The following STAT4 variants were observed in gnomAD, a reference collection of about 807,000 sequenced individuals.
STAT4 encodes the protein signal transducer and activator of transcription 4.
In STAT4, 42 loss-of-function variants were observed where a neutral mutation model predicts 110.5. The ratio of observed to expected loss-of-function variants is 0.38; its 90% confidence interval spans 0.30 to 0.49. The LOEUF (loss-of-function observed/expected upper bound fraction) is 0.49. Ranked by LOEUF, STAT4 falls within the 20% of genes least tolerant of loss-of-function variation. The probability of loss-of-function intolerance (pLI) is 0.95; values close to 1 mark genes in which losing one functional copy is unlikely to be tolerated. For synonymous variants in STAT4, 284 were observed against 302.2 expected, an observed-to-expected ratio of 0.94 and a Z score of 0.63; for missense variants, 632 against 887.9, an observed-to-expected ratio of 0.71 and a Z score of 3.66.
rs553428638 is a variant in STAT4 at position 191,119,022 on chromosome 2, T to A, written c.273+27591A>T. Reference sequence around the variant, plus strand: ...CTCAAGTAATCCTCCTATCTTGGCCTCCCAAAGTGCTGGGATGACAGGTTT... The same window carrying A: ...CTCAAGTAATCCTCCTATCTTGGCCACCCAAAGTGCTGGGATGACAGGTTT... On this transcript the variant is annotated intron_variant, in intron 3 of 23. Transcript: ENST00000392320. 1.4e-4 allele frequency among the ~76,000 whole-genome samples: 22 copies of A among 152,274 alleles called. No individual in the cohort carries two copies. The South Asian group carries it at 4.1e-3, about 29-fold the overall frequency.
chr2:191,147,939 T>G lies in STAT4; in HGVS notation c.128+137A>C. ...AATTATTCCCCTTCTTTGGGAAGGC[T>G]TTCAAATCCTTGAGAAAGTTCTTTA... On this transcript the variant is annotated intron_variant, in intron 2 of 23. Transcript: ENST00000392320. The surrounding 1 kb of genome is among the most constrained non-coding windows in gnomAD (Gnocchi z 4.1). The G allele has an allele frequency of 8.1e-7, 1 of 1,228,974 alleles. No homozygotes were observed. Among genetic ancestry groups the G allele is most frequent in the Non-Finnish European group, 1.1e-6 (1 of 898,596 alleles). 76.1% of individuals were successfully genotyped at this position (1,228,974 alleles called of 1,614,324 possible).
At chr2:191,109,281 TTG>T (rs1698362698) in intron 3 of STAT4, among the ~76,000 whole-genome samples, 2 of 152,070 alleles carry the variant, frequency 1.3e-5, no homozygotes, top group African/African-American at 4.8e-5. Context: ...GACAGGTTTT[TTG>T]TTTTTTTGTT....
At chr2:191,102,044 T>C (rs1186962191) in intron 3 of STAT4, among the ~76,000 whole-genome samples, 1 of 151,932 alleles carries the variant, frequency 6.6e-6, no homozygotes, top group African/African-American at 2.4e-5. Context: ...AATACCTCAT[T>C]TTAGGTGGTT....
At chr2:191,111,712 A>G (rs938291503) in intron 3 of STAT4, among the ~76,000 whole-genome samples, 4 of 152,172 alleles carry the variant, frequency 2.6e-5, no homozygotes, top group African/African-American at 4.8e-5. Context: ...TAAATAAAAA[A>G]TTAACCAGGA....
chr2:191,047,117 T>G (rs948173363), intron 14 of STAT4, among the ~76,000 whole-genome samples: 2 of 152,066 alleles, frequency 1.3e-5, no homozygotes, highest in Non-Finnish European at 2.9e-5. Context: ...AAAGAACAGA[T>G]TTTGGGAAGC....
At chr2:191,076,051 G>A (rs544859904) in intron 4 of STAT4, 176 bp downstream of exon 4, 3 of 520,882 alleles carry the variant, frequency 5.8e-6, no homozygotes, top group Admixed American at 6.5e-5. Context: ...ACAGGGTCTT[G>A]CTGCATTGGC....
rs1319355260 is a variant in STAT4, at chr2:191,031,607, T to C, written c.2045-91A>G. 4.9e-6 allele frequency: 5 copies of C among 1,028,858 alleles called. No homozygotes were observed. In the Admixed American group the frequency reaches 8.8e-5, roughly 18 times the overall value. 63.7% of individuals were successfully genotyped at this position (1,028,858 alleles called of 1,614,324 possible). A position where few individuals can be genotyped will look rare whatever the true frequency, so the allele number is the denominator to read the frequency against. On this transcript the variant is annotated intron_variant, in intron 21 of 23. Transcript: ENST00000392320. This position sits in a 1 kb window ranked among gnomAD's most constrained non-coding sequence, Gnocchi z 4.8. Reference sequence around the variant, plus strand: ...AAAGAGTCTAGAAAAATATTAACAATGATAAGAGGAAGAGAGATAACGCAG... The same window carrying C: ...AAAGAGTCTAGAAAAATATTAACAACGATAAGAGGAAGAGAGATAACGCAG...
chr2:191,033,302 T>C lies in STAT4; in HGVS notation c.1853-153A>G, dbSNP rs1695952109. Among the ~76,000 whole-genome samples the C allele has an allele frequency of 3.3e-5, 5 of 152,302 alleles. No individual in the cohort carries two copies. In the South Asian group the frequency reaches 8.3e-4, roughly 25 times the overall value. ...CCTTCTGCTGTCTGGACAGTATAGATTGTGCATACGATAGACTTTTTGGAA... is the reference window on the plus strand; with the variant it reads ...CCTTCTGCTGTCTGGACAGTATAGACTGTGCATACGATAGACTTTTTGGAA... On this transcript the variant is annotated intron_variant, in intron 20 of 23. Transcript: ENST00000392320. This position sits in a 1 kb window ranked among gnomAD's most constrained non-coding sequence, Gnocchi z 6.9.
Position 191,066,371 on chromosome 2 carries a change from C to CT in STAT4, c.630+58dup. 7.0e-7 allele frequency: 1 copy of CT among 1,437,788 alleles called. No individual in the cohort carries two copies. Among genetic ancestry groups the CT allele is most frequent in the South Asian group, 1.2e-5 (1 of 85,540 alleles). 89.1% of individuals were successfully genotyped at this position (1,437,788 alleles called of 1,614,324 possible). On this transcript the variant is annotated intron_variant, in intron 7 of 23. Transcript: ENST00000392320. This position sits in a 1 kb window ranked among gnomAD's most constrained non-coding sequence, Gnocchi z 4.3. ...GACAGCTTGATTATTTTCAGTTAGT[C>CT]TAAGTTTAGAAAAAAGGAGAAAAAT...
chr2:191,051,391 C>A lies in STAT4; in HGVS notation c.1251+3099G>T, dbSNP rs555469555. On this transcript the variant is annotated intron_variant, in intron 14 of 23. Coordinates refer to ENST00000392320, the MANE Select transcript of STAT4 (RefSeq NM_003151.4). This position sits in a 1 kb window ranked among gnomAD's most constrained non-coding sequence, Gnocchi z 5.6. ...CTGACTCACACACAGCTCATTCAGT[C>A]CTCACAACAACCCTTAGAAGTGTAG... Among the ~76,000 whole-genome samples, 3 of 152,334 alleles carry A rather than the reference C, an allele frequency of 2.0e-5. No individual in the cohort carries two copies. In the East Asian group the frequency reaches 5.8e-4, roughly 29 times the overall value.
At position 191,068,966 on chromosome 2, in the gene STAT4, A is replaced by T. The variant is rs545307633; in HGVS notation, c.544+727T>A. On this transcript the variant is annotated intron_variant, in intron 6 of 23. Coordinates refer to ENST00000392320, the MANE Select transcript of STAT4 (RefSeq NM_003151.4). Reference sequence around the variant, plus strand: ...AACCACAGAAAAAATAGTAAAATAAATTGCAGTGACCTTACATTTTGACAT... The same window carrying T: ...AACCACAGAAAAAATAGTAAAATAATTTGCAGTGACCTTACATTTTGACAT... Among the ~76,000 whole-genome samples, 127 of 152,270 alleles carry T rather than the reference A, an allele frequency of 8.3e-4. 2 individuals are homozygous for T. The East Asian group carries it at 0.022, about 27-fold the overall frequency.
rs2125242842 is a variant in STAT4 at position 191,066,968 on chromosome 2, A to G, written c.545-453T>C. ...CTGCTCTGCTTCATATGCAGGTTTT[A>G]TGAGAAACTGCCTGATAGAGTTACA... On this transcript the variant is annotated intron_variant, in intron 6 of 23. Coordinates refer to ENST00000392320, the MANE Select transcript of STAT4 (RefSeq NM_003151.4). This position sits in a 1 kb window ranked among gnomAD's most constrained non-coding sequence, Gnocchi z 4.3. 6.6e-6 allele frequency among the ~76,000 whole-genome samples: 1 copy of G among 151,930 alleles called. No individual in the cohort carries two copies. Among genetic ancestry groups the G allele is most frequent in the South Asian group, 2.1e-4 (1 of 4,802 alleles).
chr2:191,139,161 T>C (rs1223487686), intron 3 of STAT4, among the ~76,000 whole-genome samples: 3 of 151,810 alleles, frequency 2.0e-5, no homozygotes, highest in Non-Finnish European at 4.4e-5. Flanking sequence ...GGGGAAGAGT[T>C]GAAAGCATTC....
chr2:191,111,443 A>G (rs1175510041), intron 3 of STAT4, among the ~76,000 whole-genome samples: 1 of 152,248 alleles, frequency 6.6e-6, no homozygotes, highest in African/African-American at 2.4e-5. Flanking sequence ...AACAAGCTGT[A>G]GTATATCCTT....
At chr2:191,057,515 T>C (rs914915948) in intron 13 of STAT4, among the ~76,000 whole-genome samples, 2 of 152,154 alleles carry the variant, frequency 1.3e-5, no homozygotes, top group African/African-American at 4.8e-5. Context: ...TTCAGTGCTC[T>C]TTCTACCATT....
At chr2:191,071,017 C>A (rs1368256270) in intron 5 of STAT4, among the ~76,000 whole-genome samples, 2 of 152,174 alleles carry the variant, frequency 1.3e-5, no homozygotes, top group African/African-American at 4.8e-5. Flanking sequence ...CTCTTAATGA[C>A]ATTCTCCATA....
chr2:191,150,872 AGC>A lies in STAT4; in HGVS notation c.-2+73_-2+74del. ...TTGTCAAAACGCCAAGGGAAAGCAA[AGC>A]TTCAGAGTATCCTGCATAATAAGCA... On this transcript the variant is annotated intron_variant, in intron 1 of 23. Transcript: ENST00000392320. This position sits in a 1 kb window ranked among gnomAD's most constrained non-coding sequence, Gnocchi z 6.4. The A allele has an allele frequency of 1.0e-6, 1 of 972,950 alleles. No individual in the cohort carries two copies. The highest frequency in any genetic ancestry group is 4.8e-5 in the South Asian group (1 of 21,038). The allele number at this position is 972,950 out of a possible 1,614,324, so 60.3% of individuals were successfully genotyped here.
Position 191,039,364 on chromosome 2 carries a change from C to G in STAT4, c.1336-67G>C. ...CACCTTACATTGATCTTATGCTTGA[C>G]CCTCGCCTCTAAAGGGCCAATCTCA... On this transcript the variant is annotated intron_variant, in intron 15 of 23. Coordinates refer to ENST00000392320, the MANE Select transcript of STAT4 (RefSeq NM_003151.4). This position sits in a 1 kb window ranked among gnomAD's most constrained non-coding sequence, Gnocchi z 4.7. 4 of 1,430,818 alleles carry G rather than the reference C, an allele frequency of 2.8e-6. No individual in the cohort carries two copies. The highest frequency in any genetic ancestry group is 3.9e-6 in the Non-Finnish European group (4 of 1,014,924). 88.6% of individuals were successfully genotyped at this position (1,430,818 alleles called of 1,614,324 possible).
At position 191,150,398 on chromosome 2, in the gene STAT4, C is replaced by T. The variant is rs1266244900; in HGVS notation, c.-2+549G>A. The stretch of plus-strand genomic sequence containing the variant: ...ACTCAGTGCCTGTCTGTCCTTTTTG[C>T]GTGCATTTCCTAGAAGATCCCACTA... On this transcript the variant is annotated intron_variant, in intron 1 of 23. Transcript: ENST00000392320. This position sits in a 1 kb window ranked among gnomAD's most constrained non-coding sequence, Gnocchi z 6.4. Among the ~76,000 whole-genome samples, 1 of 152,146 alleles carries T rather than the reference C, an allele frequency of 6.6e-6. No individual in the cohort carries two copies. Among genetic ancestry groups the T allele is most frequent in the African/African-American group, 2.4e-5 (1 of 41,424 alleles).
Sources: allele counts gnomAD v4.1 joint callset (sites outside exome capture counted in the v4.1 genomes callset), GRCh38; gene constraint gnomAD v4.1.1; non-coding constraint Gnocchi (gnomAD v3.1); transcripts MANE v1.5; gene names NCBI Gene and HGNC (gene_info 2026-07-23, HGNC 2026-07-21).